LRMDA: variants seen among roughly 807,000 people sequenced by gnomAD.
LRMDA encodes the protein leucine-rich melanocyte differentiation-associated protein.
Under a neutral mutation model 29.8 loss-of-function variants are expected in LRMDA, and 18 were observed. The ratio of observed to expected loss-of-function variants is 0.60; its 90% confidence interval spans 0.42 to 0.90. The LOEUF is 0.90. Ranked by LOEUF, LRMDA falls within the 40% of genes least tolerant of loss-of-function variation. The pLI is 0.00. For synonymous variants in LRMDA, 125 were observed against 109.4 expected (o/e 1.14, Z -0.89); for missense variants, 273 against 273.9 (o/e 1.00, Z 0.02).
chr10:75,942,891 C>T (rs1192109595), intron 2 of LRMDA, among the ~76,000 whole-genome samples: 1 of 152,104 alleles, frequency 6.6e-6, no homozygotes, highest in Non-Finnish European at 1.5e-5. Flanking sequence ...TGTTTGAAGT[C>T]CTATCATCCA....
intron 5 of LRMDA, among the ~76,000 whole-genome samples, chr10:76,185,682 G>T (rs973728188): frequency 6.6e-6 from 1 of 152,216 alleles, no homozygotes; most frequent in Non-Finnish European, 1.5e-5. Context: ...GACTCAGACA[G>T]GATGCCGGGC....
chr10:75,949,779 G>A (rs1025667330), intron 2 of LRMDA, among the ~76,000 whole-genome samples: 1 of 152,132 alleles, frequency 6.6e-6, no homozygotes, highest in Non-Finnish European at 1.5e-5. Flanking sequence ...AGCCAGAGAT[G>A]CAACCTTCTA....
intron 2 of LRMDA, among the ~76,000 whole-genome samples, chr10:75,478,405 CCAATCTTTTAA>C (rs1232128084): frequency 6.6e-6 from 1 of 152,162 alleles, no homozygotes; most frequent in Non-Finnish European, 1.5e-5. Flanking sequence ...CAGCGAATCT[CCAATCTTTTAA>C]CTTCTTTAGT....
intron 2 of LRMDA, chr10:75,782,881 G>T (rs1327630342): frequency 1.1e-5 from 18 of 1,595,216 alleles, no homozygotes; most frequent in Non-Finnish European, 1.5e-5. Context: ...AAGCCGTGGA[G>T]TACCTGCTGT....
chr10:75,539,750 G>T (rs1389634264), intron 2 of LRMDA, among the ~76,000 whole-genome samples: 2 of 151,920 alleles, frequency 1.3e-5, no homozygotes, highest in African/African-American at 4.8e-5. Context: ...CTGTTTTTTT[G>T]TTGTTTTTGT....
chr10:76,214,987 T>A (rs909176717), intron 5 of LRMDA, among the ~76,000 whole-genome samples: 10 of 152,170 alleles, frequency 6.6e-5, no homozygotes, highest in African/African-American at 2.4e-4. Context: ...AGAAAGAAAA[T>A]CAGTTTCTTT....
chr10:76,136,396 G>A (rs943950253), intron 5 of LRMDA, among the ~76,000 whole-genome samples: 2 of 152,052 alleles, frequency 1.3e-5, no homozygotes, highest in Non-Finnish European at 2.9e-5. Context: ...GTCACTTGGG[G>A]AAAAAATTCC....
chr10:76,454,621 C>T (rs1842439131), intron 6 of LRMDA, among the ~76,000 whole-genome samples: 2 of 148,948 alleles, frequency 1.3e-5, no homozygotes, highest in South Asian at 2.2e-4. Flanking sequence ...CACCGCCACC[C>T]CCCACCCCGC....
chr10:75,757,015 T>C (rs908663615), intron 2 of LRMDA, among the ~76,000 whole-genome samples: 1 of 152,196 alleles, frequency 6.6e-6, no homozygotes, highest in African/African-American at 2.4e-5. Flanking sequence ...GGGCTCCAAA[T>C]TTTAACTATT....
chr10:75,775,072 G>A (rs1843293518), intron 2 of LRMDA, among the ~76,000 whole-genome samples: 1 of 152,198 alleles, frequency 6.6e-6, no homozygotes. Flanking sequence ...TTCCTTCACA[G>A]AAGTGGATTG....
chr10:76,155,984 CAA>C (rs1850530411), intron 5 of LRMDA, among the ~76,000 whole-genome samples: 1 of 152,022 alleles, frequency 6.6e-6, no homozygotes, highest in South Asian at 2.1e-4. Flanking sequence ...GTTCTTAAAA[CAA>C]AAGAGTGATT....
intron 6 of LRMDA, among the ~76,000 whole-genome samples, chr10:76,394,236 G>C (rs1293554495): frequency 6.6e-6 from 1 of 152,160 alleles, no homozygotes; most frequent in Non-Finnish European, 1.5e-5. Flanking sequence ...GTGGACACTA[G>C]AAGGCACAAA....
intron 2 of LRMDA, among the ~76,000 whole-genome samples, chr10:76,018,885 A>G (rs181741340): frequency 1.3e-3 from 199 of 152,260 alleles, no homozygotes; most frequent in Non-Finnish European, 1.2e-3. Flanking sequence ...GACTCTTAAG[A>G]CATAAAGTGA....
At chr10:76,361,516 G>A (rs555351360) in intron 6 of LRMDA, among the ~76,000 whole-genome samples, 230 of 152,238 alleles carry the variant, frequency 1.5e-3, no homozygotes, top group African/African-American at 5.3e-3. Flanking sequence ...TGGTGAGTGG[G>A]CAGGATTGTG....
chr10:75,851,398 T>C (rs1844730691), intron 2 of LRMDA, among the ~76,000 whole-genome samples: 1 of 152,234 alleles, frequency 6.6e-6, no homozygotes. Context: ...CTGGCTTCTC[T>C]CTTTTTCTTT....
intron 2 of LRMDA, among the ~76,000 whole-genome samples, chr10:75,600,447 C>A (rs1228200263): frequency 1.3e-5 from 2 of 152,196 alleles, no homozygotes; most frequent in African/African-American, 4.8e-5. Flanking sequence ...ATACATCATC[C>A]TCCTCTTGCC....
intron 2 of LRMDA, among the ~76,000 whole-genome samples, chr10:75,802,995 C>A (rs1843785613): frequency 6.9e-6 from 1 of 143,898 alleles, no homozygotes; most frequent in Non-Finnish European, 1.5e-5. Context: ...TCTTAGCTCC[C>A]TTTACTTCTA....
chr10:75,811,416 A>G (rs1185018742), intron 2 of LRMDA, among the ~76,000 whole-genome samples: 2 of 152,026 alleles, frequency 1.3e-5, no homozygotes, highest in Non-Finnish European at 1.5e-5. Context: ...TAGGATTTTG[A>G]CATTTTAGGG....
At chr10:75,613,981 C>G (rs1028777861) in intron 2 of LRMDA, among the ~76,000 whole-genome samples, 1 of 152,144 alleles carries the variant, frequency 6.6e-6, no homozygotes, top group Non-Finnish European at 1.5e-5. Flanking sequence ...AAACAGGGAA[C>G]CATATGGCAG....
Sources: gnomAD v4.1 joint callset for allele counts (sites outside exome capture counted in the v4.1 genomes callset) on GRCh38, gnomAD v4.1.1 for gene constraint, MANE v1.5 for transcripts, NCBI Gene and HGNC (gene_info 2026-07-23, HGNC 2026-07-21) for gene names.